ZNF385B: variants seen among roughly 807,000 people sequenced by gnomAD.
ZNF385B encodes zinc finger protein 533.
A neutral mutation model predicts 39.2 loss-of-function variants in ZNF385B; 23 were observed. The ratio of observed to expected loss-of-function variants is 0.59; its 90% CI spans 0.42 to 0.83. The LOEUF (loss-of-function observed/expected upper bound fraction) is 0.83, where lower values mean the gene tolerates loss of function less well. Ranked by LOEUF, ZNF385B falls within the 40% of genes least tolerant of loss-of-function variation. The pLI is 0.00. For missense variants in ZNF385B, 552 were observed against 598.9 expected, an observed-to-expected ratio of 0.92 and a Z score of 0.82; for synonymous variants, 205 against 222.6, an observed-to-expected ratio of 0.92 and a Z score of 0.70.
intron 3 of ZNF385B, among the ~76,000 whole-genome samples, chr2:179,756,375 T>C (rs896199469): frequency 3.9e-4 from 60 of 152,342 alleles, no homozygotes; most frequent in South Asian, 8.3e-4. Context: ...GCTTCCTTTG[T>C]GGGTAACCCG....
chr2:179,826,127 CA>C (rs1707669315), intron 1 of ZNF385B, among the ~76,000 whole-genome samples: 1 of 152,122 alleles, frequency 6.6e-6, no homozygotes, highest in Non-Finnish European at 1.5e-5. Context: ...TTATGAAAAA[CA>C]GCTGTCGAAA....
At chr2:179,698,678 A>G (rs1698948572) in intron 3 of ZNF385B, among the ~76,000 whole-genome samples, 1 of 152,200 alleles carries the variant, frequency 6.6e-6, no homozygotes, top group Non-Finnish European at 1.5e-5. Context: ...AGGAGTGATC[A>G]TAATAAAAGC....
At chr2:179,664,024 AT>A (rs1221757823) in intron 3 of ZNF385B, among the ~76,000 whole-genome samples, 1 of 150,600 alleles carries the variant, frequency 6.6e-6, no homozygotes, top group Non-Finnish European at 1.5e-5. Context: ...AAAATTTCAT[AT>A]TTTTTGGAAT....
At chr2:179,659,044 T>C (rs1330046065) in intron 3 of ZNF385B, among the ~76,000 whole-genome samples, 1 of 152,198 alleles carries the variant, frequency 6.6e-6, no homozygotes. Flanking sequence ...CTCCAAGTGC[T>C]GGGATTGCAG....
intron 3 of ZNF385B, among the ~76,000 whole-genome samples, chr2:179,642,864 T>A (rs1040886238): frequency 6.6e-6 from 1 of 152,166 alleles, no homozygotes; most frequent in South Asian, 2.1e-4. Context: ...AGTAAACCTA[T>A]TTTGAATATT....
intron 1 of ZNF385B, among the ~76,000 whole-genome samples, chr2:179,808,284 G>A (rs948284341): frequency 1.3e-5 from 2 of 152,262 alleles, no homozygotes; most frequent in Middle Eastern, 3.4e-3. Flanking sequence ...CGCCCGCCTT[G>A]GCCTCCCAAA....
At position 179,569,628 on chromosome 2, in the gene ZNF385B, T is replaced by C. The variant is rs1054518027; in HGVS notation, c.299-24659A>G. 4.6e-5 allele frequency among the ~76,000 whole-genome samples: 7 copies of C among 152,198 alleles called. No individual in the cohort carries two copies. The East Asian group carries it at 1.3e-3, about 29-fold the overall frequency. ...ATATTCCCAAATCACCACAAATGTT[T>C]TGTTTTGACAGGTTAGAACATGAGG... On this transcript the variant is annotated intron_variant, in intron 3 of 9. Coordinates refer to ENST00000410066, the MANE Select transcript of ZNF385B (RefSeq NM_152520.6).
At chr2:179,779,960 C>A (rs926861396) in intron 1 of ZNF385B, among the ~76,000 whole-genome samples, 15 of 151,858 alleles carry the variant, frequency 9.9e-5, no homozygotes, top group African/African-American at 3.6e-4. Context: ...AATATTGATG[C>A]CAGATTCCCA....
intron 4 of ZNF385B, among the ~76,000 whole-genome samples, chr2:179,519,775 T>A (rs2058351582): frequency 3.9e-5 from 6 of 152,146 alleles, no homozygotes. Flanking sequence ...GTCTAGGAAA[T>A]CTCCTGAGGT....
intron 3 of ZNF385B, chr2:179,576,058 A>G: frequency 1.2e-6 from 1 of 834,652 alleles, no homozygotes; most frequent in Non-Finnish European, 1.4e-6. Flanking sequence ...ACTCTGGCAC[A>G]ACACTTGCCC....
At chr2:179,520,615 G>A (rs771341414) in intron 4 of ZNF385B, among the ~76,000 whole-genome samples, 1 of 152,102 alleles carries the variant, frequency 6.6e-6, no homozygotes, top group Non-Finnish European at 1.5e-5. Flanking sequence ...GTTTATGCAG[G>A]CTTAAAAATA....
intron 5 of ZNF385B, among the ~76,000 whole-genome samples, chr2:179,492,609 A>G (rs1473666244): frequency 1.3e-5 from 2 of 152,150 alleles, no homozygotes; most frequent in East Asian, 3.9e-4. Flanking sequence ...ATGCTCAGAG[A>G]ATTGGTTGAC....
chr2:179,493,763 G>GTGTA (rs1399662412), intron 5 of ZNF385B, among the ~76,000 whole-genome samples: 26 of 85,326 alleles, frequency 3.0e-4, no homozygotes, highest in Admixed American at 2.8e-3. Flanking sequence ...ATACATATAT[G>GTGTA]TATACATATA....
At chr2:179,450,469 C>A (rs542485728) in intron 6 of ZNF385B, among the ~76,000 whole-genome samples, 37 of 152,278 alleles carry the variant, frequency 2.4e-4, no homozygotes, top group African/African-American at 8.2e-4. Context: ...CAAAAGAAGA[C>A]ATTTATACAG....
At chr2:179,486,358 A>G (rs1435301284) in intron 5 of ZNF385B, among the ~76,000 whole-genome samples, 1 of 152,204 alleles carries the variant, frequency 6.6e-6, no homozygotes, top group Non-Finnish European at 1.5e-5. Flanking sequence ...AGGTGGGTGG[A>G]GAAGCCATGG....
chr2:179,710,394 C>T (rs80045555), intron 3 of ZNF385B, among the ~76,000 whole-genome samples: 4,509 of 152,222 alleles, frequency 0.03, 210 homozygotes, highest in African/African-American at 0.099. Flanking sequence ...TCGTATGGTA[C>T]TTCCACTCCA....
chr2:179,662,100 T>C (rs1190243226), intron 3 of ZNF385B, among the ~76,000 whole-genome samples: 1 of 152,198 alleles, frequency 6.6e-6, no homozygotes. Context: ...TGTTCATTAT[T>C]GGAGGAATTA....
intron 3 of ZNF385B, among the ~76,000 whole-genome samples, chr2:179,699,921 A>T (rs1699052246): frequency 6.6e-6 from 1 of 152,184 alleles, no homozygotes; most frequent in African/African-American, 2.4e-5. Context: ...ACAATCATCG[A>T]CACCACTCAC....
intron 3 of ZNF385B, among the ~76,000 whole-genome samples, chr2:179,724,644 G>A (rs988401992): frequency 1.3e-5 from 2 of 152,154 alleles, no homozygotes; most frequent in Admixed American, 1.3e-4. Context: ...CATATTTAGT[G>A]AACATTATTC....
Sources: gnomAD v4.1 joint callset for allele counts (sites outside exome capture counted in the v4.1 genomes callset) on GRCh38, gnomAD v4.1.1 for gene constraint, MANE v1.5 for transcripts, NCBI Gene and HGNC (gene_info 2026-07-23, HGNC 2026-07-21) for gene names.